The following SYNDIG1 variants were observed in gnomAD, a reference collection of about 807,000 sequenced individuals.
SYNDIG1 encodes the protein synapse differentiation-inducing gene protein 1.
A neutral mutation model predicts 19.4 loss-of-function variants in SYNDIG1; 9 were observed. The ratio of observed to expected loss-of-function variants is 0.46; its 90% CI spans 0.28 to 0.81. The LOEUF (loss-of-function observed/expected upper bound fraction) is 0.81. SYNDIG1 is among the 30% of genes least tolerant of loss of function. The probability of loss-of-function intolerance (pLI) is 0.12; values close to 1 mark genes in which losing one functional copy is unlikely to be tolerated. For synonymous variants in SYNDIG1, 141 were observed against 145.9 expected, an observed-to-expected ratio of 0.97 and a Z score of 0.24; for missense variants, 311 against 343.3, an observed-to-expected ratio of 0.91 and a Z score of 0.74.
At chr20:24,551,617 T>C (rs911301437) in intron 2 of SYNDIG1, among the ~76,000 whole-genome samples, 2 of 152,170 alleles carry the variant, frequency 1.3e-5, no homozygotes, top group Non-Finnish European at 2.9e-5. Flanking sequence ...TTATAATGTA[T>C]ATTCAAGGCT....
intron 3 of SYNDIG1, among the ~76,000 whole-genome samples, chr20:24,663,627 G>A (rs1437821546): frequency 1.3e-5 from 2 of 152,216 alleles, no homozygotes; most frequent in Non-Finnish European, 2.9e-5. Flanking sequence ...TGAGCAGGAA[G>A]GCAACTATTC....
chr20:24,525,503 C>T (rs1303071289), intron 1 of SYNDIG1, among the ~76,000 whole-genome samples: 1 of 151,920 alleles, frequency 6.6e-6, no homozygotes, highest in Non-Finnish European at 1.5e-5. Flanking sequence ...AGGCTGGTCT[C>T]GAACTCCTGA....
chr20:24,531,650 G>A (rs181466308), intron 1 of SYNDIG1, among the ~76,000 whole-genome samples: 15 of 151,018 alleles, frequency 9.9e-5, no homozygotes, highest in African/African-American at 3.6e-4. Flanking sequence ...AATGCTACCT[G>A]TAATGAGTAA....
chr20:24,626,650 C>T (rs1367264426), intron 3 of SYNDIG1, among the ~76,000 whole-genome samples: 50 of 152,192 alleles, frequency 3.3e-4, no homozygotes, highest in African/African-American at 1.1e-3. Context: ...CAGGCAGAGA[C>T]GCTCCTCACT....
intron 2 of SYNDIG1, among the ~76,000 whole-genome samples, chr20:24,558,351 A>T (rs1378255860): frequency 1.3e-5 from 2 of 152,158 alleles, no homozygotes. Flanking sequence ...GTCTTGTCTG[A>T]TATTAACATA....
At chr20:24,616,356 A>G (rs2058932048) in intron 3 of SYNDIG1, among the ~76,000 whole-genome samples, 1 of 152,196 alleles carries the variant, frequency 6.6e-6, no homozygotes, top group South Asian at 2.1e-4. Flanking sequence ...CACCCAGCTC[A>G]AGGCCTTTCA....
chr20:24,551,120 G>A (rs2146794984), intron 2 of SYNDIG1, among the ~76,000 whole-genome samples: 1 of 152,296 alleles, frequency 6.6e-6, no homozygotes, highest in Middle Eastern at 3.4e-3. Flanking sequence ...ACCAGTGAAG[G>A]CATTTGGGCC....
chr20:24,618,830 TTTTTA>T (rs1453435981), intron 3 of SYNDIG1, among the ~76,000 whole-genome samples: 13 of 152,232 alleles, frequency 8.5e-5, no homozygotes, highest in Non-Finnish European at 1.8e-4. Context: ...CTTTCTTTGT[TTTTTA>T]TTTTATTTAT....
chr20:24,545,078 C>T (rs926703840), intron 2 of SYNDIG1, among the ~76,000 whole-genome samples: 1 of 152,140 alleles, frequency 6.6e-6, no homozygotes, highest in African/African-American at 2.4e-5. Flanking sequence ...AATGACAGGC[C>T]AAGGAGACCA....
In SYNDIG1 at chr20:24,511,855, G is replaced by A. The variant is rs73343317; in HGVS notation, c.-78-31165G>A. Among the ~76,000 whole-genome samples, 639 of 152,020 alleles carry A rather than the reference G, an allele frequency of 4.2e-3. 7 individuals carry two copies. Among genetic ancestry groups the A allele is most frequent in the African/African-American group, 0.015 (613 of 41,430 alleles). On this transcript the variant is annotated intron_variant, in intron 1 of 3. Transcript: ENST00000376862. ...AAATTTGAAGATCTGGCAATATGAC[G>A]TCTGTCTTTCAGCAGGACTAAAATT...
intron 2 of SYNDIG1, among the ~76,000 whole-genome samples, chr20:24,584,261 A>C (rs931096471): frequency 1.2e-4 from 18 of 152,184 alleles, no homozygotes; most frequent in African/African-American, 4.1e-4. Context: ...CTGTGTCTTG[A>C]CTCAGTTCAG....
At chr20:24,552,561 GT>G (rs35385611) in intron 2 of SYNDIG1, among the ~76,000 whole-genome samples, 87,702 of 150,880 alleles carry the variant, frequency 0.58, 25,569 homozygotes, top group Admixed American at 0.64. Flanking sequence ...TGAGATGTTT[GT>G]TTTTTTTTGT....
At chr20:24,661,356 G>GGGAGGAA (rs2059585558) in intron 3 of SYNDIG1, among the ~76,000 whole-genome samples, 1 of 139,352 alleles carries the variant, frequency 7.2e-6, no homozygotes, top group Non-Finnish European at 1.6e-5. Flanking sequence ...GGAGAGAGGA[G>GGGAGGAA]GGAGGGAAAA....
intron 3 of SYNDIG1, among the ~76,000 whole-genome samples, chr20:24,598,084 A>G (rs1393782426): frequency 6.6e-6 from 1 of 152,202 alleles, no homozygotes; most frequent in Non-Finnish European, 1.5e-5. Context: ...TTTTGAGTGC[A>G]GTAGGGGCCT....
chr20:24,662,131 C>T (rs376578150), intron 3 of SYNDIG1, among the ~76,000 whole-genome samples: 10 of 151,842 alleles, frequency 6.6e-5, no homozygotes, highest in East Asian at 5.9e-4. Context: ...AGCGGTGGTA[C>T]GAGGTGGCTG....
chr20:24,495,387 C>T (rs1568583833), intron 1 of SYNDIG1: 1 of 152,344 alleles, frequency 6.6e-6, no homozygotes, highest in Admixed American at 6.5e-5. Context: ...GCCACCCGCA[C>T]CCCAGTTTAT....
At chr20:24,639,843 A>G (rs1025482133) in intron 3 of SYNDIG1, among the ~76,000 whole-genome samples, 7 of 152,210 alleles carry the variant, frequency 4.6e-5, no homozygotes, top group African/African-American at 1.4e-4. Context: ...AGCATTTTCC[A>G]TGTAATTAGC....
intron 3 of SYNDIG1, among the ~76,000 whole-genome samples, chr20:24,654,044 TC>T (rs1661409282): frequency 6.6e-6 from 1 of 152,166 alleles, no homozygotes; most frequent in African/African-American, 2.4e-5. Flanking sequence ...CCTATAATAG[TC>T]CTCAGAGAAA....
At chr20:24,545,290 A>G (rs913996757) in intron 2 of SYNDIG1, among the ~76,000 whole-genome samples, 30 of 152,258 alleles carry the variant, frequency 2.0e-4, no homozygotes, top group East Asian at 1.9e-4. Context: ...GCAGGCCCCA[A>G]TGCCCTCTGG....
Sources: allele counts gnomAD v4.1 joint callset (sites outside exome capture counted in the v4.1 genomes callset), GRCh38; gene constraint gnomAD v4.1.1; transcripts MANE v1.5; gene names NCBI Gene and HGNC (gene_info 2026-07-23, HGNC 2026-07-21).